Variants in BNC2 observed in about 807,000 individuals in gnomAD.
The protein encoded by BNC2 is basonuclin zinc finger protein 2, also known as zinc finger protein basonuclin-2.
Under a neutral mutation model 76.3 loss-of-function variants are expected in BNC2, and 20 were observed. That is an observed-to-expected ratio of 0.26 (90% CI 0.18 to 0.38). The LOEUF is 0.38. Ranked by LOEUF, BNC2 falls within the 10% of genes least tolerant of loss-of-function variation. The pLI, the probability that BNC2 is intolerant of heterozygous loss-of-function variation, is 1.00. For synonymous variants in BNC2, 582 were observed against 514.8 expected (o/e 1.13, Z -1.77); for missense variants, 1,382 against 1,399.8 (o/e 0.99, Z 0.20).
At chr9:16,706,593 T>C (rs999470393) in intron 3 of BNC2, among the ~76,000 whole-genome samples, 36 of 152,326 alleles carry the variant, frequency 2.4e-4, no homozygotes, top group East Asian at 1.7e-3. Flanking sequence ...AACCAAATTG[T>C]CTTCTTTAGA....
intron 1 of BNC2, among the ~76,000 whole-genome samples, chr9:16,794,180 C>T (rs1817587271): frequency 6.6e-6 from 1 of 152,136 alleles, no homozygotes; most frequent in East Asian, 1.9e-4. Context: ...TCCATCTCCT[C>T]TGTAAGCATC....
intron 1 of BNC2, among the ~76,000 whole-genome samples, chr9:16,858,540 C>G (rs1819318633): frequency 6.6e-6 from 1 of 152,144 alleles, no homozygotes; most frequent in Non-Finnish European, 1.5e-5. Context: ...ACAAATGGAA[C>G]TGAATCAAAC....
chr9:16,528,937 G>A (rs1817894292), intron 5 of BNC2, among the ~76,000 whole-genome samples: 2 of 152,172 alleles, frequency 1.3e-5, no homozygotes, highest in South Asian at 4.1e-4. Flanking sequence ...TGTTCCAGAG[G>A]CCAGAAGTTT....
rs78107134 is a variant in BNC2 at position 16,690,601 on chromosome 9, T to C, written c.330+37196A>G. Among the ~76,000 whole-genome samples the C allele has an allele frequency of 1.0e-3, 158 of 152,284 alleles. 3 individuals are homozygous for C. The East Asian group carries it at 0.029, about 28-fold the overall frequency. On this transcript the variant is annotated intron_variant, in intron 3 of 6. Transcript: ENST00000380672. Reference sequence around the variant, plus strand: ...AAGGATGGAATGACCAGAAATACATTCATTGTTATAGAGTCAGATAAGGCA... The same window carrying C: ...AAGGATGGAATGACCAGAAATACATCCATTGTTATAGAGTCAGATAAGGCA...
At chr9:16,699,669 C>G (rs1476698683) in intron 3 of BNC2, among the ~76,000 whole-genome samples, 4 of 152,234 alleles carry the variant, frequency 2.6e-5, no homozygotes, top group Non-Finnish European at 5.9e-5. Context: ...CTAACCCTCT[C>G]TGTGCCAGAA....
intron 1 of BNC2, among the ~76,000 whole-genome samples, chr9:16,812,341 T>C (rs903303494): frequency 5.3e-5 from 8 of 152,244 alleles, no homozygotes; most frequent in Non-Finnish European, 1.2e-4. Flanking sequence ...CATCTGCCTA[T>C]GTTAAAACAC....
intron 4 of BNC2, among the ~76,000 whole-genome samples, chr9:16,578,414 C>T (rs1332089328): frequency 6.6e-6 from 1 of 152,124 alleles, no homozygotes; most frequent in African/African-American, 2.4e-5. Flanking sequence ...ACCTTTACAT[C>T]ATGCCTCCTG....
intron 5 of BNC2, among the ~76,000 whole-genome samples, chr9:16,504,409 C>T (rs1473663451): frequency 6.6e-6 from 1 of 150,586 alleles, no homozygotes; most frequent in Non-Finnish European, 1.5e-5. Flanking sequence ...TATATCTATT[C>T]CAAATGATAC....
chr9:16,827,474 G>A (rs1201239625), intron 1 of BNC2, among the ~76,000 whole-genome samples: 1 of 152,178 alleles, frequency 6.6e-6, no homozygotes, highest in Non-Finnish European at 1.5e-5. Context: ...AATTGCTTGG[G>A]TGAGTCCAGC....
rs1196337242 is a variant in BNC2, at chr9:16,555,796, C to CA, written c.434-3032dup. On this transcript the variant is annotated intron_variant, in intron 4 of 6. Transcript: ENST00000380672. ...TGGGCAACAGAGTGAGACCCTGTCT[C>CA]AAAAAAAAAGAAAAAAGTAGAAAAA... is the stretch of plus-strand genomic sequence containing the variant. Among the ~76,000 whole-genome samples, 696 of 146,982 alleles carry CA rather than the reference C, an allele frequency of 4.7e-3. 7 individuals are homozygous for CA. The highest frequency in any genetic ancestry group is 0.016 in the African/African-American group (627 of 39,610).
At chr9:16,445,798 GAAGT>G (rs575156618) in intron 5 of BNC2, among the ~76,000 whole-genome samples, 20 of 152,186 alleles carry the variant, frequency 1.3e-4, no homozygotes, top group Non-Finnish European at 2.4e-4. Context: ...CCTTTGTCAT[GAAGT>G]AAGTATGCAA....
intron 1 of BNC2, among the ~76,000 whole-genome samples, chr9:16,794,156 G>A (rs540069765): frequency 6.6e-6 from 1 of 152,122 alleles, no homozygotes; most frequent in African/African-American, 2.4e-5. Context: ...TTGTCCTCAG[G>A]CTGGCCAAGA....
intron 1 of BNC2, among the ~76,000 whole-genome samples, chr9:16,793,906 G>T (rs1263430508): frequency 7.9e-6 from 1 of 125,856 alleles, no homozygotes; most frequent in Admixed American, 9.4e-5. Context: ...GTTTCACCGT[G>T]TTAGCCAGGA....
intron 2 of BNC2, among the ~76,000 whole-genome samples, chr9:16,730,505 T>C (rs1824473919): frequency 6.6e-6 from 1 of 152,170 alleles, no homozygotes; most frequent in African/African-American, 2.4e-5. Context: ...AGAGAAGCAG[T>C]TTATTAAGAC....
chr9:16,597,579 A>T (rs1221626638), intron 3 of BNC2, among the ~76,000 whole-genome samples: 8 of 152,076 alleles, frequency 5.3e-5, no homozygotes, highest in South Asian at 2.1e-4. Flanking sequence ...AAATGTTTTT[A>T]AAAAATTATG....
intron 5 of BNC2, among the ~76,000 whole-genome samples, chr9:16,443,843 G>C (rs1298635652): frequency 6.6e-6 from 1 of 152,194 alleles, no homozygotes; most frequent in Non-Finnish European, 1.5e-5. Flanking sequence ...GAAAGGGACT[G>C]AGTGTAAAGC....
intron 1 of BNC2, chr9:16,832,132 G>A (rs1818590169): frequency 3.3e-6 from 1 of 300,676 alleles, no homozygotes; most frequent in Non-Finnish European, 5.8e-6. Context: ...CAGCTTCCTG[G>A]ATGTAGGATA....
At position 16,674,016 on chromosome 9, in the gene BNC2, C is replaced by G. The variant is rs528474140; in HGVS notation, c.330+53781G>C. Among the ~76,000 whole-genome samples, 5 of 152,212 alleles carry G rather than the reference C, an allele frequency of 3.3e-5. No individual in the cohort carries two copies. The South Asian group carries it at 1.0e-3, about 32-fold the overall frequency. The stretch of plus-strand genomic sequence containing the variant: ...TTTAGTTGTTATAGCTTTACTCAAA[C>G]GTACAACTAGAACTGTTCATTCCAA... On this transcript the variant is annotated intron_variant, in intron 3 of 6. Transcript: ENST00000380672.
intron 3 of BNC2, among the ~76,000 whole-genome samples, chr9:16,649,955 G>A (rs1274826143): frequency 6.6e-6 from 1 of 152,150 alleles, no homozygotes; most frequent in East Asian, 1.9e-4. Flanking sequence ...TGGGCTAGGG[G>A]AACATTAAAT....
Sources: allele counts gnomAD v4.1 joint callset (sites outside exome capture counted in the v4.1 genomes callset), GRCh38; gene constraint gnomAD v4.1.1; transcripts MANE v1.5; gene names NCBI Gene and HGNC (gene_info 2026-07-23, HGNC 2026-07-21).